NRG1: variants seen among roughly 807,000 people sequenced by gnomAD.
NRG1 encodes neuregulin 1, also known as pro-neuregulin-1, membrane-bound isoform.
Under a neutral mutation model 63.8 loss-of-function variants are expected in NRG1, and 18 were observed. That is an observed-to-expected ratio of 0.28 (90% confidence interval 0.19 to 0.42). The LOEUF (loss-of-function observed/expected upper bound fraction) is 0.42. Among genes scored for constraint, NRG1 ranks in the 10% least tolerant of loss-of-function variants. NRG1 has a pLI of 1.00. For missense variants in NRG1, 762 were observed against 814.7 expected (o/e 0.94, Z 0.79); for synonymous variants, 302 against 301.3 (o/e 1.00, Z -0.02).
intron 1 of NRG1, among the ~76,000 whole-genome samples, chr8:31,711,140 G>T (rs541418013): frequency 1.3e-5 from 2 of 151,714 alleles, no homozygotes; most frequent in East Asian, 3.9e-4. Context: ...CCCCTCCTTC[G>T]CATTTTTAAA....
chr8:31,887,219 A>G (rs1160717726), intron 1 of NRG1, among the ~76,000 whole-genome samples: 1 of 152,060 alleles, frequency 6.6e-6, no homozygotes, highest in Non-Finnish European at 1.5e-5. Context: ...TTCCCGTGAT[A>G]GAGACCAACA....
chr8:32,642,577 G>C (rs1419537972), intron 5 of NRG1, among the ~76,000 whole-genome samples: 1 of 152,194 alleles, frequency 6.6e-6, no homozygotes, highest in African/African-American at 2.4e-5. Context: ...GTCAACTTCA[G>C]GACATGGAGC....
intron 1 of NRG1, among the ~76,000 whole-genome samples, chr8:32,448,445 A>C (rs1402950500): frequency 6.6e-6 from 1 of 152,194 alleles, no homozygotes; most frequent in Non-Finnish European, 1.5e-5. Context: ...TGACGTTTTC[A>C]TAATTTTTAC....
chr8:32,684,816 A>G (rs1809646654), intron 5 of NRG1, among the ~76,000 whole-genome samples: 1 of 149,872 alleles, frequency 6.7e-6, no homozygotes, highest in Non-Finnish European at 1.5e-5. Flanking sequence ...GGTAGGTGGT[A>G]TAAAATTTTT....
chr8:31,709,096 A>G (rs1370603758), intron 1 of NRG1, among the ~76,000 whole-genome samples: 1 of 151,798 alleles, frequency 6.6e-6, no homozygotes, highest in Non-Finnish European at 1.5e-5. Flanking sequence ...TCTGCATAAA[A>G]GTGGATTTTT....
In NRG1 at chr8:31,870,206, G is replaced by T. The variant is rs374086505; in HGVS notation, c.37+230775G>T. Among the ~76,000 whole-genome samples, 6 of 151,808 alleles carry T rather than the reference G, an allele frequency of 4.0e-5. No individual in the cohort carries two copies. In the East Asian group the frequency reaches 1.2e-3, roughly 29 times the overall value. ...GCAGAAGCAAGATAAGAGGACAAAA[G>T]AATTTGGAAGATCATGGTGGAATTA... On this transcript the variant is annotated intron_variant, in intron 1 of 10. Transcript: ENST00000519301.
At chr8:32,715,308 G>T (rs1228991132) in intron 5 of NRG1, among the ~76,000 whole-genome samples, 1 of 152,152 alleles carries the variant, frequency 6.6e-6, no homozygotes, top group East Asian at 1.9e-4. Flanking sequence ...TTTGAACTAT[G>T]ACCATTGAAT....
chr8:32,488,992 T>C (rs1424756434), intron 1 of NRG1, among the ~76,000 whole-genome samples: 2 of 152,156 alleles, frequency 1.3e-5, no homozygotes, highest in Non-Finnish European at 2.9e-5. Flanking sequence ...TGAAAGTTTA[T>C]TAAAAAGCTT....
chr8:32,241,851 T>C (rs1848130703), intron 1 of NRG1, among the ~76,000 whole-genome samples: 2 of 151,886 alleles, frequency 1.3e-5, no homozygotes, highest in South Asian at 4.2e-4. Context: ...CTCGAACTCC[T>C]GGGCTTAAGC....
At chr8:31,864,586 G>C (rs1828783611) in intron 1 of NRG1, among the ~76,000 whole-genome samples, 1 of 152,130 alleles carries the variant, frequency 6.6e-6, no homozygotes. Context: ...GGCGGAAAGT[G>C]CAGGAGCAGA....
At chr8:32,290,699 A>G (rs1854092621) in intron 1 of NRG1, among the ~76,000 whole-genome samples, 1 of 151,358 alleles carries the variant, frequency 6.6e-6, no homozygotes, top group South Asian at 2.1e-4. Context: ...GAAGCCCAAA[A>G]CTCCCATCCT....
intron 1 of NRG1, among the ~76,000 whole-genome samples, chr8:32,243,751 C>T (rs1487451460): frequency 2.0e-5 from 3 of 152,020 alleles, no homozygotes; most frequent in Admixed American, 1.3e-4. Context: ...GTCTGTGAGG[C>T]TTTAATAGGT....
intron 1 of NRG1, among the ~76,000 whole-genome samples, chr8:31,684,319 T>A (rs1808641686): frequency 1.3e-5 from 2 of 152,128 alleles, no homozygotes; most frequent in African/African-American, 2.4e-5. Context: ...TGAATGGGAC[T>A]AGCACCTTAT....
chr8:32,564,439 A>C (rs992911704), intron 1 of NRG1, among the ~76,000 whole-genome samples: 4 of 152,218 alleles, frequency 2.6e-5, no homozygotes, highest in Non-Finnish European at 5.9e-5. Context: ...ACACAGACAA[A>C]ACTTATAAGC....
intron 1 of NRG1, among the ~76,000 whole-genome samples, chr8:32,459,737 T>C (rs941898724): frequency 1.3e-5 from 2 of 152,260 alleles, no homozygotes; most frequent in African/African-American, 4.8e-5. Flanking sequence ...TCTTATTTCC[T>C]GTCACTTTCC....
At chr8:31,822,524 A>T (rs1341294179) in intron 1 of NRG1, among the ~76,000 whole-genome samples, 1 of 152,184 alleles carries the variant, frequency 6.6e-6, no homozygotes, top group Non-Finnish European at 1.5e-5. Flanking sequence ...GTATTTGTGA[A>T]TAGTAATAGC....
intron 1 of NRG1, among the ~76,000 whole-genome samples, chr8:31,880,496 T>G (rs1039320289): frequency 6.6e-6 from 1 of 152,212 alleles, no homozygotes; most frequent in Non-Finnish European, 1.5e-5. Context: ...TAATAGTACC[T>G]ATCACACAAG....
At chr8:32,548,759 G>A (rs999387466) in exon 1 of NRG1, 33 of 1,590,308 alleles carry the variant, frequency 2.1e-5, no homozygotes, top group Non-Finnish European at 2.8e-5. Flanking sequence ...GAGGCAAAGG[G>A]AAGGGCAAGA....
intron 1 of NRG1, among the ~76,000 whole-genome samples, chr8:31,986,712 G>A (rs761193241): frequency 4.6e-5 from 7 of 152,050 alleles, no homozygotes; most frequent in Admixed American, 1.3e-4. Flanking sequence ...AAGGAAGAAC[G>A]GCTGAAGTAA....
Sources: gnomAD v4.1 joint callset for allele counts (sites outside exome capture counted in the v4.1 genomes callset) on GRCh38, gnomAD v4.1.1 for gene constraint, MANE v1.5 for transcripts, NCBI Gene and HGNC (gene_info 2026-07-23, HGNC 2026-07-21) for gene names.